Variants in GRM8 observed in about 807,000 individuals in gnomAD.
The protein encoded by GRM8 is glutamate metabotropic receptor 8.
A neutral mutation model predicts 87.2 loss-of-function variants in GRM8; 47 were observed. The observed-to-expected ratio is 0.54, with a 90% CI of 0.43 to 0.69. The LOEUF (loss-of-function observed/expected upper bound fraction) is 0.69, where lower values mean the gene tolerates loss of function less well. Among genes scored for constraint, GRM8 ranks in the 30% least tolerant of loss-of-function variants. GRM8 has a pLI of 0.00. For synonymous variants in GRM8, 396 were observed against 404.5 expected (o/e 0.98, Z 0.25); for missense variants, 1,019 against 1,139.2 (o/e 0.89, Z 1.52).
intron 8 of GRM8, among the ~76,000 whole-genome samples, chr7:126,550,531 A>G (rs1410680311): frequency 6.6e-6 from 1 of 152,190 alleles, no homozygotes; most frequent in African/African-American, 2.4e-5. Context: ...AATAAATAAA[A>G]TTATAAACAT....
intron 5 of GRM8, among the ~76,000 whole-genome samples, chr7:126,903,723 ATATG>A: frequency 1.4e-5 from 2 of 139,610 alleles, no homozygotes; most frequent in Non-Finnish European, 3.1e-5. Context: ...GTGTATATAT[ATATG>A]TATATGTGTA....
At chr7:126,939,239 C>A (rs1233705322) in intron 3 of GRM8, among the ~76,000 whole-genome samples, 1 of 152,088 alleles carries the variant, frequency 6.6e-6, no homozygotes, top group Non-Finnish European at 1.5e-5. Flanking sequence ...TGTATTGATA[C>A]CTTAGCATGA....
intron 3 of GRM8, among the ~76,000 whole-genome samples, chr7:126,967,421 C>G (rs951384982): frequency 6.6e-6 from 1 of 152,116 alleles, no homozygotes; most frequent in Non-Finnish European, 1.5e-5. Context: ...CATATTCACA[C>G]ACATTTTTCA....
chr7:126,653,328 G>A (rs528910075), intron 7 of GRM8, among the ~76,000 whole-genome samples: 9 of 150,048 alleles, frequency 6.0e-5, no homozygotes, highest in Non-Finnish European at 1.0e-4. Flanking sequence ...GCAAGGAGAG[G>A]GTGATCCTTA....
intron 6 of GRM8, among the ~76,000 whole-genome samples, chr7:126,791,210 TATTAC>T (rs1821269294): frequency 6.6e-6 from 1 of 152,184 alleles, no homozygotes; most frequent in Non-Finnish European, 1.5e-5. Flanking sequence ...TTCTTAAGAA[TATTAC>T]ATTACTACAT....
At chr7:127,034,852 T>C (rs941911932) in intron 3 of GRM8, among the ~76,000 whole-genome samples, 1 of 152,162 alleles carries the variant, frequency 6.6e-6, no homozygotes, top group Non-Finnish European at 1.5e-5. Context: ...AAAATAGCAC[T>C]ACTGTAGGAA....
intron 6 of GRM8, among the ~76,000 whole-genome samples, chr7:126,809,835 C>A (rs559456594): frequency 1.3e-5 from 2 of 152,112 alleles, no homozygotes; most frequent in East Asian, 3.9e-4. Flanking sequence ...CACTAAAGAC[C>A]CTCCTATTTT....
At chr7:127,090,666 C>T (rs569336396) in intron 3 of GRM8, among the ~76,000 whole-genome samples, 1 of 152,118 alleles carries the variant, frequency 6.6e-6, no homozygotes, top group Admixed American at 6.5e-5. Context: ...AAACCTGTCC[C>T]TAATTCTGAT....
At chr7:126,773,208 C>T (rs1338477347) in intron 6 of GRM8, among the ~76,000 whole-genome samples, 1 of 152,054 alleles carries the variant, frequency 6.6e-6, no homozygotes, top group Non-Finnish European at 1.5e-5. Context: ...ACACACACCC[C>T]TCACATACCT....
At chr7:126,624,845 T>C (rs1015006384) in intron 7 of GRM8, among the ~76,000 whole-genome samples, 2 of 152,250 alleles carry the variant, frequency 1.3e-5, no homozygotes, top group African/African-American at 4.8e-5. Context: ...GAAAATGTTA[T>C]GCTGGACACT....
chr7:126,912,715 T>C (rs1803445125), intron 3 of GRM8, among the ~76,000 whole-genome samples: 1 of 152,214 alleles, frequency 6.6e-6, no homozygotes, highest in Admixed American at 6.5e-5. Context: ...CATGCACTGA[T>C]AGGATCTTGA....
At chr7:126,482,762 G>A (rs185318951) in intron 9 of GRM8, among the ~76,000 whole-genome samples, 6 of 152,032 alleles carry the variant, frequency 3.9e-5, no homozygotes, top group Admixed American at 2.0e-4. Context: ...TAGTATCACT[G>A]CACTGTATAC....
intron 9 of GRM8, among the ~76,000 whole-genome samples, chr7:126,472,993 G>A (rs1021787093): frequency 2.0e-5 from 3 of 152,204 alleles, no homozygotes; most frequent in African/African-American, 7.2e-5. Flanking sequence ...AGGATGTTTG[G>A]AAATGTCTGA....
At chr7:126,824,186 A>G (rs1277879958) in intron 6 of GRM8, among the ~76,000 whole-genome samples, 1 of 152,150 alleles carries the variant, frequency 6.6e-6, no homozygotes. Flanking sequence ...TGAGATAAGC[A>G]TTGTTTATCC....
chr7:126,944,360 G>A (rs1303899796), intron 3 of GRM8, among the ~76,000 whole-genome samples: 1 of 152,284 alleles, frequency 6.6e-6, no homozygotes. Flanking sequence ...CAAGAATACA[G>A]GCCCTAGAGG....
intron 2 of GRM8, among the ~76,000 whole-genome samples, chr7:127,113,909 G>C (rs1680931504): frequency 6.6e-6 from 1 of 152,162 alleles, no homozygotes; most frequent in African/African-American, 2.4e-5. Flanking sequence ...AGGGCTAGAA[G>C]TCAATGTCCA....
intron 7 of GRM8, among the ~76,000 whole-genome samples, chr7:126,722,039 A>AGAC (rs1440111497): frequency 1.3e-5 from 2 of 152,190 alleles, no homozygotes; most frequent in African/African-American, 4.8e-5. Context: ...TAATAAAATT[A>AGAC]TGAACTATGA....
At chr7:126,478,269 C>T (rs1401258600) in intron 9 of GRM8, among the ~76,000 whole-genome samples, 1 of 152,048 alleles carries the variant, frequency 6.6e-6, no homozygotes, top group Admixed American at 6.6e-5. Context: ...GTTCTGAATG[C>T]CACATTTACT....
chr7:127,097,641 T>G (rs1021216623), intron 3 of GRM8, among the ~76,000 whole-genome samples: 1 of 152,192 alleles, frequency 6.6e-6, no homozygotes, highest in African/African-American at 2.4e-5. Context: ...TACCTGATAT[T>G]AAGTAGCACT....
Sources: gnomAD v4.1 joint callset for allele counts (sites outside exome capture counted in the v4.1 genomes callset) on GRCh38, gnomAD v4.1.1 for gene constraint, MANE v1.5 for transcripts, NCBI Gene and HGNC (gene_info 2026-07-23, HGNC 2026-07-21) for gene names.